YWHAG: variants seen among roughly 807,000 people sequenced by gnomAD.
YWHAG encodes 14-3-3 protein gamma.
In YWHAG, 1 loss-of-function variant was observed where a neutral mutation model predicts 23.3. That is an observed-to-expected ratio of 0.04 (90% CI 0.02 to 0.20). The LOEUF (loss-of-function observed/expected upper bound fraction) is 0.20. Among genes scored for constraint, YWHAG ranks in the 10% least tolerant of loss-of-function variants. The pLI, the probability that YWHAG is intolerant of heterozygous loss-of-function variation, is 1.00. For synonymous variants in YWHAG, 160 were observed against 144.0 expected (o/e 1.11, Z -0.80); for missense variants, 151 against 338.6 (o/e 0.45, Z 4.35).
chr7:76,354,803 G>A (rs1464403727), intron 1 of YWHAG, among the ~76,000 whole-genome samples: 1 of 152,142 alleles, frequency 6.6e-6, no homozygotes, highest in Non-Finnish European at 1.5e-5. Flanking sequence ...TAGAACACCA[G>A]CAAAATTTCC....
chr7:76,339,196 G>A (rs904856298), intron 1 of YWHAG, among the ~76,000 whole-genome samples: 9 of 152,106 alleles, frequency 5.9e-5, no homozygotes, highest in Non-Finnish European at 8.8e-5. Flanking sequence ...TAGGCTGGGC[G>A]CGGTGGCTCA....
intron 1 of YWHAG, among the ~76,000 whole-genome samples, chr7:76,338,302 G>A (rs894983411): frequency 2.6e-5 from 4 of 152,146 alleles, no homozygotes; most frequent in African/African-American, 9.7e-5. Flanking sequence ...TGTGCAGAGG[G>A]AAACATTCAT....
At position 76,330,084 on chromosome 7, in the gene YWHAG, A is replaced by G; in HGVS notation, c.237T>C (p.Ile79=). ...KTSADGNEKK[I]EMVRAYREKI... is the part of the protein sequence containing the mutation. ...TCTCCCGGTACGCACGGACCATCTCAATCTTCTTCTCATTGCCGTCTGCAG... is the reference window on the plus strand; with the variant it reads ...TCTCCCGGTACGCACGGACCATCTCGATCTTCTTCTCATTGCCGTCTGCAG... The change falls in exon 2 of 2, where the codon ATT becomes ATC. Residue 79 remains isoleucine (I), a synonymous_variant. Coordinates refer to ENST00000307630, the MANE Select transcript of YWHAG (RefSeq NM_012479.4). The G allele has an allele frequency of 1.2e-6, 2 of 1,613,812 alleles. No individual in the cohort carries two copies. The highest frequency in any genetic ancestry group is 1.7e-6 in the Non-Finnish European group (2 of 1,179,976).
intron 1 of YWHAG, 56 bp downstream of exon 1, chr7:76,358,666 A>C: frequency 6.6e-7 from 1 of 1,506,806 alleles, no homozygotes. Context: ...CTTCCACGCC[A>C]AGGACCGCGT....
intron 1 of YWHAG, among the ~76,000 whole-genome samples, chr7:76,354,084 CA>C (rs1803914791): frequency 7.2e-6 from 1 of 139,452 alleles, no homozygotes; most frequent in Non-Finnish European, 1.5e-5. Flanking sequence ...AAAAAACAAG[CA>C]ATCAAACGCA....
intron 1 of YWHAG, among the ~76,000 whole-genome samples, chr7:76,345,885 G>A (rs1343029405): frequency 6.6e-6 from 1 of 152,082 alleles, no homozygotes; most frequent in Non-Finnish European, 1.5e-5. Flanking sequence ...AGGTTGCAGG[G>A]AGCCGAGATT....
chr7:76,351,899 C>G (rs986307101), intron 1 of YWHAG, among the ~76,000 whole-genome samples: 4 of 152,210 alleles, frequency 2.6e-5, no homozygotes. Flanking sequence ...TCACCCCACC[C>G]AGTCCATGGA....
At chr7:76,356,899 C>T (rs989338592) in intron 1 of YWHAG, among the ~76,000 whole-genome samples, 5 of 152,182 alleles carry the variant, frequency 3.3e-5, no homozygotes, top group African/African-American at 9.7e-5. Flanking sequence ...CTAATTTCTG[C>T]ATTACCTTGG....
At position 76,341,404 on chromosome 7, in the gene YWHAG, CAAAAAAAAAAAAA is replaced by C. The variant is rs1158151013; in HGVS notation, c.88-11184_88-11172del. Among the ~76,000 whole-genome samples the C allele has an allele frequency of 3.4e-4, 15 of 44,664 alleles. No individual in the cohort carries two copies. In the South Asian group the frequency reaches 0.014, roughly 42 times the overall value. 29.3% of individuals were successfully genotyped at this position (44,664 alleles called of 152,430 possible). On this transcript the variant is annotated intron_variant, in intron 1 of 1. Transcript: ENST00000307630. ...GGGTGACAGGACAAGACTCTTGCCTCAAAAAAAAAAAAAAAAAAAAAAAAAAGAGAAATCTTGT... is the reference window on the plus strand; with the variant it reads ...GGGTGACAGGACAAGACTCTTGCCTCAAAAAAAAAAAAAGAGAAATCTTGT...
intron 1 of YWHAG, among the ~76,000 whole-genome samples, chr7:76,331,602 G>A (rs1047311836): frequency 6.7e-6 from 1 of 148,512 alleles, no homozygotes; most frequent in Non-Finnish European, 1.5e-5. Context: ...TGTATTTTAT[G>A]TGTGGCCCAA....
intron 1 of YWHAG, among the ~76,000 whole-genome samples, chr7:76,350,699 C>G (rs1048209610): frequency 6.6e-6 from 1 of 152,112 alleles, no homozygotes; most frequent in East Asian, 1.9e-4. Flanking sequence ...CAAAAATTAG[C>G]CGGGCGTGGT....
chr7:76,328,188 G>A lies in YWHAG; in HGVS notation c.*1389C>T, dbSNP rs529662682. 1 of 152,126 alleles carries A rather than the reference G, an allele frequency of 6.6e-6. No homozygotes were observed. Among genetic ancestry groups the A allele is most frequent in the Non-Finnish European group, 1.5e-5 (1 of 68,032 alleles). The allele number at this position is 152,126 out of a possible 1,614,324, so 9.4% of individuals were successfully genotyped here. On this transcript the variant is annotated 3_prime_UTR_variant, in exon 2 of 2. Coordinates refer to ENST00000307630, the MANE Select transcript of YWHAG (RefSeq NM_012479.4). Reference sequence around the variant, plus strand: ...CCTTAAGGCTGCCGAAAACAAATGGGTGGAAATAGCAACGTTGTTTCCGTC... The same window carrying A: ...CCTTAAGGCTGCCGAAAACAAATGGATGGAAATAGCAACGTTGTTTCCGTC...
chr7:76,340,050 T>C (rs1380723490), intron 1 of YWHAG, among the ~76,000 whole-genome samples: 4 of 152,010 alleles, frequency 2.6e-5, no homozygotes, highest in East Asian at 1.9e-4. Flanking sequence ...GATCATGCCA[T>C]TGCACTCCTG....
chr7:76,357,008 A>C (rs930243361), intron 1 of YWHAG, among the ~76,000 whole-genome samples: 6 of 152,228 alleles, frequency 3.9e-5, no homozygotes, highest in African/African-American at 1.4e-4. Context: ...TATAGGTGCG[A>C]GGTCACTCGC....
At chr7:76,332,691 CTTT>C (rs1335846429) in intron 1 of YWHAG, among the ~76,000 whole-genome samples, 7 of 134,730 alleles carry the variant, frequency 5.2e-5, no homozygotes, top group Admixed American at 7.5e-5. Flanking sequence ...TGGCTGATTT[CTTT>C]TTTTTTTTTT....
chr7:76,332,052 T>C (rs1312289351), intron 1 of YWHAG, among the ~76,000 whole-genome samples: 1 of 152,198 alleles, frequency 6.6e-6, no homozygotes, highest in Admixed American at 6.5e-5. Flanking sequence ...ATTAGTGGTG[T>C]TGTTAAAGTT....
intron 1 of YWHAG, among the ~76,000 whole-genome samples, chr7:76,356,866 C>T (rs1030930086): frequency 2.0e-5 from 3 of 152,148 alleles, no homozygotes; most frequent in African/African-American, 7.2e-5. Flanking sequence ...ATATGAAGTG[C>T]TCGATTCCAC....
chr7:76,335,776 C>A (rs997783820), intron 1 of YWHAG, among the ~76,000 whole-genome samples: 1 of 152,200 alleles, frequency 6.6e-6, no homozygotes, highest in Non-Finnish European at 1.5e-5. Context: ...CATGGCGAAA[C>A]CCTGTCTCTA....
intron 1 of YWHAG, among the ~76,000 whole-genome samples, chr7:76,342,675 C>T (rs777610115): frequency 2.0e-5 from 3 of 152,152 alleles, no homozygotes; most frequent in Non-Finnish European, 1.5e-5. Context: ...TTATCAATAC[C>T]TTTCAGCCTG....
Sources: gnomAD v4.1 joint callset for allele counts (sites outside exome capture counted in the v4.1 genomes callset) on GRCh38, gnomAD v4.1.1 for gene constraint, MANE v1.5 for transcripts, NCBI Gene and HGNC (gene_info 2026-07-23, HGNC 2026-07-21) for gene names.